CNTN5: variants seen among roughly 807,000 people sequenced by gnomAD.
CNTN5 encodes contactin-5.
CNTN5 carries 77 observed loss-of-function variants against 129.1 expected under a neutral mutation model. The observed-to-expected ratio is 0.60, with a 90% CI of 0.50 to 0.72. The LOEUF (loss-of-function observed/expected upper bound fraction) is 0.72. Among genes scored for constraint, CNTN5 ranks in the 30% least tolerant of loss-of-function variants. CNTN5 has a pLI of 0.00. For missense variants in CNTN5, 1,478 were observed against 1,328.8 expected (o/e 1.11, Z -1.75); for synonymous variants, 509 against 465.6 (o/e 1.09, Z -1.20).
At chr11:99,305,829 A>G (rs1229537800) in intron 1 of CNTN5, among the ~76,000 whole-genome samples, 1 of 151,844 alleles carries the variant, frequency 6.6e-6, no homozygotes, top group Non-Finnish European at 1.5e-5. Context: ...AAAAATACAA[A>G]AATTAGCTGG....
At chr11:100,247,516 C>G (rs778595429) in intron 16 of CNTN5, among the ~76,000 whole-genome samples, 1 of 152,040 alleles carries the variant, frequency 6.6e-6, no homozygotes, top group Admixed American at 6.6e-5. Flanking sequence ...TCATGAGTAA[C>G]GTAATGGTGG....
chr11:100,119,331 G>A (rs1019482522), intron 13 of CNTN5, among the ~76,000 whole-genome samples: 2 of 151,828 alleles, frequency 1.3e-5, no homozygotes, highest in Non-Finnish European at 2.9e-5. Flanking sequence ...TCCCTAAGAA[G>A]CAAATGATAT....
rs189563479 is a variant in CNTN5 at position 99,089,033 on chromosome 11, C to T, written c.-210+67763C>T. Among the ~76,000 whole-genome samples, 174 of 151,754 alleles carry T rather than the reference C, an allele frequency of 1.1e-3. 1 individual carries two copies. Among genetic ancestry groups the T allele is most frequent in the African/African-American group, 3.8e-3 (157 of 41,420 alleles). ...GTTGAGAGAATAATTAGTTAATAACCGATTAAAAAAATTGAATTGGACATT... is the reference window on the plus strand; with the variant it reads ...GTTGAGAGAATAATTAGTTAATAACTGATTAAAAAAATTGAATTGGACATT... On this transcript the variant is annotated intron_variant, in intron 1 of 24. Transcript: ENST00000524871.
chr11:99,868,171 G>A (rs951274800), intron 6 of CNTN5, among the ~76,000 whole-genome samples: 3 of 151,480 alleles, frequency 2.0e-5, no homozygotes, highest in African/African-American at 4.9e-5. Context: ...AGCTGAGAAC[G>A]TGCCGCTGCA....
chr11:99,183,408 T>C (rs7941365), intron 1 of CNTN5, among the ~76,000 whole-genome samples: 139,699 of 152,130 alleles, frequency 0.92, 64,238 homozygotes, highest in East Asian at 1. Flanking sequence ...GCAGAGATCA[T>C]TATAACTATT....
intron 3 of CNTN5, among the ~76,000 whole-genome samples, chr11:99,816,716 C>T (rs753422450): frequency 2.6e-5 from 4 of 152,158 alleles, no homozygotes; most frequent in Non-Finnish European, 5.9e-5. Flanking sequence ...ACTTACGTTG[C>T]TCTCCTTTCA....
chr11:99,621,205 G>A (rs666876), intron 3 of CNTN5, among the ~76,000 whole-genome samples: 68,581 of 151,862 alleles, frequency 0.45, 15,922 homozygotes, highest in Admixed American at 0.59. Flanking sequence ...CTACCCAAAA[G>A]CATTGCATTT....
chr11:100,242,203 A>C (rs1246395699), intron 16 of CNTN5, among the ~76,000 whole-genome samples: 2 of 152,042 alleles, frequency 1.3e-5, no homozygotes, highest in Admixed American at 6.6e-5. Flanking sequence ...AAATTTTGCC[A>C]TTGCTGTTCT....
chr11:99,341,973 G>A (rs1178496593), intron 2 of CNTN5, among the ~76,000 whole-genome samples: 1 of 152,104 alleles, frequency 6.6e-6, no homozygotes, highest in East Asian at 1.9e-4. Flanking sequence ...ATCCAGATTT[G>A]AATTCTAATA....
intron 16 of CNTN5, among the ~76,000 whole-genome samples, chr11:100,254,408 A>G (rs1368050808): frequency 2.0e-5 from 3 of 152,134 alleles, no homozygotes; most frequent in African/African-American, 7.2e-5. Flanking sequence ...GAAAACTTTA[A>G]TTATTTTGCT....
At chr11:99,062,441 C>T (rs1344722274) in intron 1 of CNTN5, among the ~76,000 whole-genome samples, 1 of 152,032 alleles carries the variant, frequency 6.6e-6, no homozygotes, top group East Asian at 1.9e-4. Flanking sequence ...AGAACTTAAG[C>T]AGAGATGTTT....
At chr11:99,637,896 T>A (rs1407457828) in intron 3 of CNTN5, among the ~76,000 whole-genome samples, 1 of 152,146 alleles carries the variant, frequency 6.6e-6, no homozygotes, top group East Asian at 1.9e-4. Context: ...GCATTTCCTC[T>A]CTTTAGCCTA....
chr11:99,593,319 T>C (rs1950034698), intron 3 of CNTN5, among the ~76,000 whole-genome samples: 1 of 152,208 alleles, frequency 6.6e-6, no homozygotes, highest in Admixed American at 6.5e-5. Flanking sequence ...CAACTCTGTG[T>C]TCCAGGCCAA....
chr11:99,357,169 G>A (rs941231556), intron 2 of CNTN5, among the ~76,000 whole-genome samples: 1 of 151,788 alleles, frequency 6.6e-6, no homozygotes, highest in African/African-American at 2.4e-5. Flanking sequence ...TGGCAGTGGC[G>A]TTTGAACTCA....
chr11:99,272,457 C>T (rs1863220440), intron 1 of CNTN5, among the ~76,000 whole-genome samples: 1 of 151,740 alleles, frequency 6.6e-6, no homozygotes, highest in Admixed American at 6.6e-5. Flanking sequence ...CTGTGTTACT[C>T]ATGCCAGCCT....
intron 1 of CNTN5, among the ~76,000 whole-genome samples, chr11:99,091,507 G>A (rs1866249639): frequency 6.6e-6 from 1 of 152,220 alleles, no homozygotes; most frequent in Non-Finnish European, 1.5e-5. Context: ...AAGTCAGAGA[G>A]TTGAGGAGTG....
chr11:99,720,448 A>G (rs555510612), intron 3 of CNTN5, among the ~76,000 whole-genome samples: 24 of 152,316 alleles, frequency 1.6e-4, no homozygotes, highest in African/African-American at 5.5e-4. Context: ...TGCTTTTGAT[A>G]AAATTCATCA....
At chr11:100,255,647 A>ATATT in intron 16 of CNTN5, 113 bp from the exon 17 acceptor site, 1 of 884,750 alleles carries the variant, frequency 1.1e-6, no homozygotes, top group Non-Finnish European at 1.7e-6. Flanking sequence ...TACTAAATTC[A>ATATT]TATTTCATTA....
At chr11:99,662,008 T>C (rs1335455590) in intron 3 of CNTN5, among the ~76,000 whole-genome samples, 1 of 152,146 alleles carries the variant, frequency 6.6e-6, no homozygotes, top group Non-Finnish European at 1.5e-5. Context: ...TTTTTCTATA[T>C]TCAGGATGAC....
Sources: gnomAD v4.1 joint callset for allele counts (sites outside exome capture counted in the v4.1 genomes callset) on GRCh38, gnomAD v4.1.1 for gene constraint, MANE v1.5 for transcripts, NCBI Gene and HGNC (gene_info 2026-07-23, HGNC 2026-07-21) for gene names.